The following VSTM2A variants were observed in gnomAD, a reference collection of about 807,000 sequenced individuals.
VSTM2A encodes V-set and transmembrane domain containing 2A.
Under a neutral mutation model 27.3 loss-of-function variants are expected in VSTM2A, and 13 were observed. The observed-to-expected ratio is 0.48, with a 90% CI of 0.31 to 0.76. The LOEUF (loss-of-function observed/expected upper bound fraction) is 0.76, where lower values mean the gene tolerates loss of function less well. Ranked by LOEUF, VSTM2A falls within the 30% of genes least tolerant of loss-of-function variation. VSTM2A has a pLI of 0.05. For missense variants in VSTM2A, 280 were observed against 310.0 expected (o/e 0.90, Z 0.73); for synonymous variants, 142 against 125.7 (o/e 1.13, Z -0.87).
rs887791774 is a variant in VSTM2A at position 54,544,530 on chromosome 7, T to G, written c.80-92T>G. ...GTAAGAGAGGGGTTTTGTTGCTATTTAAGTCCAGGAAAAATGTAGCGAGCT... is the reference window on the plus strand; with the variant it reads ...GTAAGAGAGGGGTTTTGTTGCTATTGAAGTCCAGGAAAAATGTAGCGAGCT... On this transcript the variant is annotated intron_variant, in intron 1 of 4. Transcript: ENST00000402613. The G allele has an allele frequency of 3.9e-6, 6 of 1,523,840 alleles. No homozygotes were observed. In the African/African-American group the frequency reaches 6.8e-5, roughly 17 times the overall value. 94.4% of individuals were successfully genotyped at this position (1,523,840 alleles called of 1,614,324 possible).
At chr7:54,546,686 CAGCGCCG>C (rs1788000537) in intron 2 of VSTM2A, 7 of 417,910 alleles carry the variant, frequency 1.7e-5, no homozygotes. Context: ...AGCGCCGGGA[CAGCGCCG>C]GGACAGCCCC....
intron 2 of VSTM2A, among the ~76,000 whole-genome samples, chr7:54,545,501 G>A (rs938722450): frequency 7.3e-5 from 9 of 123,324 alleles, no homozygotes; most frequent in Non-Finnish European, 1.6e-4. Flanking sequence ...GAGGGAGTGA[G>A]GAGAGGGACA....
Position 54,550,168 on chromosome 7 carries a change from C to T in VSTM2A, c.632C>T (p.Ser211Leu). The change falls in exon 4 of 5, where the codon TCA becomes TTA. Residue 211 changes from serine (S) to leucine (L), a missense_variant and splice_region_variant. Physicochemically the swap from Ser to Leu is moderately radical, Grantham distance 145 (BLOSUM62 -2). Transcript: ENST00000402613. The stretch of plus-strand genomic sequence containing the variant: ...AAAATCCCCAAACAAAGTCCACAAT[C>T]AGGTATGGAAACCCATTTCGAGCCT... ...VAKIPKQSPQ[S>L]AKSKSPVKST... The T allele has an allele frequency of 6.3e-7, 1 of 1,594,280 alleles. No homozygotes were observed. The highest frequency in any genetic ancestry group is 8.5e-7 in the Non-Finnish European group (1 of 1,170,572).
chr7:54,551,151 A>G (rs1332787581), intron 4 of VSTM2A: 1 of 151,822 alleles, frequency 6.6e-6, no homozygotes, highest in Non-Finnish European at 1.5e-5. Context: ...ACACACACAC[A>G]CACACACACA....
chr7:54,542,657 A>G lies in VSTM2A; in HGVS notation c.-74A>G. 7.3e-7 allele frequency: 1 copy of G among 1,361,864 alleles called. No individual in the cohort carries two copies. The highest frequency in any genetic ancestry group is 1.4e-5 in the African/African-American group (1 of 69,498). The allele number at this position is 1,361,864 out of a possible 1,614,324, so 84.4% of individuals were successfully genotyped here. A position where few individuals can be genotyped will look rare whatever the true frequency, so the allele number is the denominator to read the frequency against. ...CCAGGGCTCTGAGACTGAGCCTGCC[A>G]TCCACTCGCACGCCTTTCTTTCAGG... On this transcript the variant is annotated 5_prime_UTR_variant, in exon 1 of 5. Transcript: ENST00000402613.
chr7:54,567,577 C>T (rs1788762773), intron 4 of VSTM2A, among the ~76,000 whole-genome samples: 1 of 152,112 alleles, frequency 6.6e-6, no homozygotes, highest in Non-Finnish European at 1.5e-5. Context: ...CAAATTCGAG[C>T]CAATCTGCAA....
intron 2 of VSTM2A, 166 bp from the exon 3 acceptor site, chr7:54,546,781 G>C (rs926346489): frequency 4.4e-6 from 3 of 682,596 alleles, no homozygotes; most frequent in Admixed American, 3.3e-5. Flanking sequence ...GACAGCGTGG[G>C]GGCGGTGCGG....
At chr7:54,562,353 C>T (rs952506965) in intron 4 of VSTM2A, among the ~76,000 whole-genome samples, 1 of 152,060 alleles carries the variant, frequency 6.6e-6, no homozygotes, top group Admixed American at 6.5e-5. Context: ...ATTTTTTTCA[C>T]TCTGAGTTCC....
chr7:54,559,566 G>A (rs1788483577), intron 4 of VSTM2A: 1 of 152,132 alleles, frequency 6.6e-6, no homozygotes, highest in African/African-American at 2.4e-5. Flanking sequence ...CTTCCCTTGT[G>A]AAGGAAAATT....
At chr7:54,543,069 G>T (rs899001549) in intron 1 of VSTM2A, among the ~76,000 whole-genome samples, 1 of 152,156 alleles carries the variant, frequency 6.6e-6, no homozygotes, top group Non-Finnish European at 1.5e-5. Context: ...TGTGGTGTGT[G>T]TGTGTGGGTG....
chr7:54,547,938 G>T (rs1395249119), intron 3 of VSTM2A, among the ~76,000 whole-genome samples: 1 of 151,904 alleles, frequency 6.6e-6, no homozygotes, highest in Non-Finnish European at 1.5e-5. Flanking sequence ...TCTCAACATG[G>T]AAGAAAAAAT....
At chr7:54,567,177 G>A (rs1312357553) in intron 4 of VSTM2A, among the ~76,000 whole-genome samples, 4 of 152,018 alleles carry the variant, frequency 2.6e-5, no homozygotes, top group Admixed American at 1.3e-4. Flanking sequence ...TTACTATATA[G>A]GAAAAAATCT....
intron 4 of VSTM2A, among the ~76,000 whole-genome samples, chr7:54,565,106 A>G (rs927812241): frequency 7.8e-5 from 9 of 115,982 alleles, no homozygotes; most frequent in African/African-American, 2.6e-4. Flanking sequence ...TCAATTTAAC[A>G]AATGTGGGGT....
chr7:54,546,886 C>CG, intron 2 of VSTM2A, 61 bp from the exon 3 acceptor site: 1 of 1,590,314 alleles, frequency 6.3e-7, no homozygotes, highest in Non-Finnish European at 8.5e-7. Context: ...GCTATGCTCG[C>CG]GTGGGAGCGG....
chr7:54,565,827 T>C (rs1263719253), intron 4 of VSTM2A, among the ~76,000 whole-genome samples: 3 of 152,264 alleles, frequency 2.0e-5, no homozygotes, highest in Non-Finnish European at 4.4e-5. Context: ...ATAGTGAAGT[T>C]AATATCTGGA....
chr7:54,543,773 A>C (rs2115746968), intron 1 of VSTM2A, among the ~76,000 whole-genome samples: 1 of 152,292 alleles, frequency 6.6e-6, no homozygotes, highest in African/African-American at 2.4e-5. Flanking sequence ...CCCCTTAGAT[A>C]AGATAAGAAC....
In VSTM2A at chr7:54,549,843, G is replaced by T. The variant is rs1224008399; in HGVS notation, c.307G>T (p.Val103Phe). 1 of 1,594,084 alleles carries T rather than the reference G, an allele frequency of 6.3e-7. No homozygotes were observed. The highest frequency in any genetic ancestry group is 8.5e-7 in the Non-Finnish European group (1 of 1,169,838). ...ACCTGCAATTTTTCAGACAGTGAAAGTCCAAGGCAATGACATCTCCCACAA... is the reference window on the plus strand; with the variant it reads ...ACCTGCAATTTTTCAGACAGTGAAATTCCAAGGCAATGACATCTCCCACAA... ...SDGTKISTVK[V>F]QGNDISHKLQ... is the part of the protein sequence containing the mutation. Residue 103 changes from valine to phenylalanine, a missense_variant, in exon 4 of 5, where the codon GTC becomes TTC. Transcript: ENST00000402613.
chr7:54,544,639 C>T lies in VSTM2A; in HGVS notation c.97C>T (p.Pro33Ser). The change falls in exon 2 of 5, where the codon CCG (proline) becomes TCG (serine). Residue 33 changes from proline to serine, a missense_variant. Physicochemically the swap from Pro to Ser is moderately conservative, Grantham distance 74. Transcript: ENST00000402613. ...TTTTGCAGCAAAATTTACCGAGTTT[C>T]CGCGGAACGTGACGGCGACCGAGGG... is the stretch of plus-strand genomic sequence containing the variant. ...LSSQAKFTEFPRNVTATEGQN... is the reference protein window; with the variant it reads ...LSSQAKFTEFSRNVTATEGQN... 4 of 1,612,976 alleles carry T rather than the reference C, an allele frequency of 2.5e-6. No individual in the cohort carries two copies. Among genetic ancestry groups the T allele is most frequent in the Non-Finnish European group, 3.4e-6 (4 of 1,179,880 alleles).
chr7:54,545,715 G>C (rs1472901935), intron 2 of VSTM2A, among the ~76,000 whole-genome samples: 1 of 111,148 alleles, frequency 9.0e-6, no homozygotes, highest in Non-Finnish European at 1.8e-5. Flanking sequence ...GAAAGAGAGA[G>C]AGGGAAGGGG....
Sources: gnomAD v4.1 joint callset for allele counts (sites outside exome capture counted in the v4.1 genomes callset) on GRCh38, gnomAD v4.1.1 for gene constraint, MANE v1.5 for transcripts, NCBI Gene and HGNC (gene_info 2026-07-23, HGNC 2026-07-21) for gene names.